Variants in MLC1 observed in about 807,000 individuals in gnomAD.
MLC1 encodes the protein modulator of VRAC current 1.
MLC1 carries 32 observed loss-of-function variants against 44.7 expected under a neutral mutation model. The observed-to-expected ratio is 0.72, with a 90% CI of 0.54 to 0.96. The LOEUF is 0.96. Among genes scored for constraint, MLC1 ranks in the 40% least tolerant of loss-of-function variants. The pLI is 0.00. For synonymous variants in MLC1, 190 were observed against 213.0 expected (o/e 0.89, Z 0.94); for missense variants, 459 against 492.2 (o/e 0.93, Z 0.64).
In MLC1 at chr22:50,084,480, C is replaced by A. The variant is rs530748822; in HGVS notation, c.177+246G>T. ...ATTCATGGCCCTGGGACTGTCCCTA[C>A]CCTGGTGGGACTAAGCCACAACCTG... On this transcript the variant is annotated intron_variant, in intron 2 of 11. Transcript: ENST00000311597. 3.3e-5 allele frequency among the ~76,000 whole-genome samples: 5 copies of A among 152,336 alleles called. No homozygotes were observed. The South Asian group carries it at 1.0e-3, about 32-fold the overall frequency.
chr22:50,081,491 G>A (rs970532642), intron 3 of MLC1, among the ~76,000 whole-genome samples: 28 of 152,284 alleles, frequency 1.8e-4, no homozygotes, highest in African/African-American at 5.5e-4. Context: ...ACCAAGGCTA[G>A]GAGTCCAGGG....
In MLC1 at chr22:50,083,335, T is replaced by C. The variant is rs929858655; in HGVS notation, c.178-162A>G. On this transcript the variant is annotated intron_variant, in intron 2 of 11. Transcript: ENST00000311597. This position sits in a 1 kb window ranked among gnomAD's most constrained non-coding sequence, Gnocchi z 4.6. ...GGACCCGCCCATCCTGGACTCCTCC[T>C]GTAGGACAGACGCAGCCCCGCCGCA... Among the ~76,000 whole-genome samples, 5 of 152,066 alleles carry C rather than the reference T, an allele frequency of 3.3e-5. No individual in the cohort carries two copies. The highest frequency in any genetic ancestry group is 6.5e-5 in the Admixed American group (1 of 15,280).
intron 9 of MLC1, among the ~76,000 whole-genome samples, chr22:50,069,477 C>T (rs2061797712): frequency 6.6e-6 from 1 of 151,362 alleles, no homozygotes; most frequent in Non-Finnish European, 1.5e-5. Flanking sequence ...AAACCCCCAT[C>T]TCTACTAAAG....
intron 7 of MLC1, 159 bp from the exon 8 acceptor site, chr22:50,074,491 C>T (rs2061932927): frequency 1.4e-6 from 1 of 692,080 alleles, no homozygotes; most frequent in Admixed American, 2.0e-5. Context: ...CCAGCCTCAC[C>T]TGGCCCAGAC....
rs137919 is a variant in MLC1 at position 50,061,535 on chromosome 22, T to C, written c.*48A>G. 465,889 of 1,574,564 alleles carry C rather than the reference T, an allele frequency of 0.3. 71,742 individuals carry two copies. Among genetic ancestry groups the C allele is most frequent in the South Asian group, 0.42 (37,573 of 90,370 alleles). ...GGCGATTAGGGGTTGTGCGTTTCCA[T>C]GCTTGGGGCCAGGCTGGGCGCTGCC... On this transcript the variant is annotated 3_prime_UTR_variant, in exon 12 of 12. Coordinates refer to ENST00000311597, the MANE Select transcript of MLC1 (RefSeq NM_015166.4).
In MLC1 at chr22:50,068,541, A is replaced by G; in HGVS notation, c.786T>C (p.Ile262=). The change falls in exon 10 of 12, where the codon ATT becomes ATC. Residue 262 remains isoleucine (I), a synonymous_variant. Coordinates refer to ENST00000311597, the MANE Select transcript of MLC1 (RefSeq NM_015166.4). ...GCGGAGACGTGAGGCTGCTTATGGCAATCAGGACCTCCACCTGGAAAAAAA... is the reference window on the plus strand; with the variant it reads ...GCGGAGACGTGAGGCTGCTTATGGCGATCAGGACCTCCACCTGGAAAAAAA... The part of the protein sequence containing the change: ...CPSKCLVEVL[I]AISSLTSPLL... The G allele has an allele frequency of 6.2e-7, 1 of 1,613,408 alleles. No individual in the cohort carries two copies. Among genetic ancestry groups the G allele is most frequent in the East Asian group, 2.2e-5 (1 of 44,826 alleles).
chr22:50,077,019 G>A (rs2062000582), intron 6 of MLC1, 107 bp from the exon 7 acceptor site: 9 of 1,178,744 alleles, frequency 7.6e-6, no homozygotes, highest in Middle Eastern at 2.1e-4. Flanking sequence ...CTGCCGTGTA[G>A]ATGCGAGACC....
intron 11 of MLC1, among the ~76,000 whole-genome samples, chr22:50,062,402 C>G (rs2061590936): frequency 6.6e-6 from 1 of 152,262 alleles, no homozygotes; most frequent in Admixed American, 6.5e-5. Context: ...CTGGGCCTTG[C>G]TGGTCACAAC....
Position 50,084,848 on chromosome 22 carries a change from C to G in MLC1, c.55G>C (p.Glu19Gln), listed in dbSNP as rs2062242153. ...ELAYDRMPTLERGRQDPASYA... is the reference protein window; with the variant it reads ...ELAYDRMPTLQRGRQDPASYA... ...CTGGCGGGGTCTTGCCGGCCCCGCTCCAGCGTGGGCATCCGGTCATAGGCC... is the reference window on the plus strand; with the variant it reads ...CTGGCGGGGTCTTGCCGGCCCCGCTGCAGCGTGGGCATCCGGTCATAGGCC... Residue 19 changes from glutamate (E) to glutamine (Q), a missense_variant, in exon 2 of 12, where the codon GAG becomes CAG. Coordinates refer to ENST00000311597, the MANE Select transcript of MLC1 (RefSeq NM_015166.4). 1.2e-6 allele frequency: 2 copies of G among 1,613,474 alleles called. No homozygotes were observed. The highest frequency in any genetic ancestry group is 1.7e-6 in the Non-Finnish European group (2 of 1,180,056).
intron 3 of MLC1, among the ~76,000 whole-genome samples, chr22:50,081,013 G>GAAAGAAAGAAAGAA (rs2062113760): frequency 2.5e-5 from 3 of 119,592 alleles, no homozygotes; most frequent in Admixed American, 2.4e-4. Flanking sequence ...CTCAAAAAAA[G>GAAAGAAAGAAAGAA]AAAGAAAGAA....
At chr22:50,076,384 G>A (rs1318422180) in intron 7 of MLC1, among the ~76,000 whole-genome samples, 1 of 152,044 alleles carries the variant, frequency 6.6e-6, no homozygotes, top group Non-Finnish European at 1.5e-5. Flanking sequence ...CCGAAACCCT[G>A]CCTCTACTAA....
At position 50,080,963 on chromosome 22, in the gene MLC1, C is replaced by A. The variant is rs553026722; in HGVS notation, c.268-566G>T. Among the ~76,000 whole-genome samples the A allele has an allele frequency of 2.2e-5, 3 of 139,160 alleles. No individual in the cohort carries two copies. The South Asian group carries it at 6.8e-4, about 32-fold the overall frequency. 91.3% of individuals were successfully genotyped at this position (139,160 alleles called of 152,430 possible). On this transcript the variant is annotated intron_variant, in intron 3 of 11. Transcript: ENST00000311597. ...TCTTGAGCCCAGGAGTTCGAGGCTG[C>A]AGTGAGCTGTGAATACTCGGTGATA... is the stretch of plus-strand genomic sequence containing the variant.
At position 50,064,339 on chromosome 22, in the gene MLC1, A is replaced by G. The variant is rs2061658475; in HGVS notation, c.895-141T>C. The G allele has an allele frequency of 5.5e-6, 5 of 910,410 alleles. No homozygotes were observed. The East Asian group carries it at 1.1e-4, about 19-fold the overall frequency. 56.4% of individuals were successfully genotyped at this position (910,410 alleles called of 1,614,324 possible). On this transcript the variant is annotated intron_variant, in intron 10 of 11. Coordinates refer to ENST00000311597, the MANE Select transcript of MLC1 (RefSeq NM_015166.4). Reference sequence around the variant, plus strand: ...GCCCCAGTAACCCAAACGCATTGCTATTTCAACAACCTGATGATAATCATT... The same window carrying G: ...GCCCCAGTAACCCAAACGCATTGCTGTTTCAACAACCTGATGATAATCATT...
intron 10 of MLC1, among the ~76,000 whole-genome samples, chr22:50,067,755 A>C (rs2061744203): frequency 1.0e-5 from 1 of 99,854 alleles, no homozygotes; most frequent in Non-Finnish European, 2.0e-5. Flanking sequence ...CCATCCATCC[A>C]TCAGACAGTG....
chr22:50,061,747 G>A, intron 11 of MLC1, 90 bp from the exon 12 acceptor site: 1 of 1,223,036 alleles, frequency 8.2e-7, no homozygotes, highest in South Asian at 1.2e-5. Context: ...GCAGCGAGCA[G>A]CCAGCGTTCA....
At chr22:50,076,717 C>T (rs577232209) in intron 7 of MLC1, 124 bp downstream of exon 7, 301 of 972,714 alleles carry the variant, frequency 3.1e-4, no homozygotes, top group Middle Eastern at 4.1e-4. Flanking sequence ...ATGAGGCGCA[C>T]GCCGCCATGC....
At chr22:50,080,453 T>C in intron 3 of MLC1, 56 bp from the exon 4 acceptor site, 20 of 1,512,170 alleles carry the variant, frequency 1.3e-5, no homozygotes, top group Non-Finnish European at 1.8e-5. Flanking sequence ...ACTGAGACTC[T>C]GAAATACTCT....
Position 50,076,863 on chromosome 22 carries a change from G to A in MLC1, c.575C>T (p.Ala192Val). ...TACTGAGTAAGATTTCAGGACCCGA[G>A]CAGGAAATGGCACTTCGTCCAGAAT... is the stretch of plus-strand genomic sequence containing the variant. ...ANILDEVPFPARVLKSYSVVE... is the reference protein window; with the variant it reads ...ANILDEVPFPVRVLKSYSVVE... Residue 192 changes from alanine to valine, a missense_variant, in exon 7 of 12, where the codon GCT becomes GTT. By Grantham distance (64) the Ala-to-Val change is moderately conservative. Coordinates refer to ENST00000311597, the MANE Select transcript of MLC1 (RefSeq NM_015166.4). 3 of 1,613,940 alleles carry A rather than the reference G, an allele frequency of 1.9e-6. No individual in the cohort carries two copies. The highest frequency in any genetic ancestry group is 1.7e-6 in the Non-Finnish European group (2 of 1,179,858).
intron 5 of MLC1, among the ~76,000 whole-genome samples, chr22:50,079,279 T>G (rs1022590388): frequency 1.3e-5 from 2 of 149,692 alleles, no homozygotes; most frequent in African/African-American, 4.9e-5. Context: ...GCGAGATTCC[T>G]TCTCAAAAAC....
Sources: gnomAD v4.1 joint callset for allele counts (sites outside exome capture counted in the v4.1 genomes callset) on GRCh38, gnomAD v4.1.1 for gene constraint, Gnocchi (gnomAD v3.1) non-coding constraint, MANE v1.5 for transcripts, NCBI Gene and HGNC (gene_info 2026-07-23, HGNC 2026-07-21) for gene names.